The following RPS6KA2 variants were observed in gnomAD, a reference collection of about 807,000 sequenced individuals.
RPS6KA2 encodes the protein ribosomal protein S6 kinase A2.
RPS6KA2 carries 42 observed loss-of-function variants against 91.8 expected under a neutral mutation model. The ratio of observed to expected loss-of-function variants is 0.46; its 90% CI spans 0.36 to 0.59. The LOEUF is 0.59. Ranked by LOEUF, RPS6KA2 falls within the 20% of genes least tolerant of loss-of-function variation. RPS6KA2 has a pLI of 0.00. For missense variants in RPS6KA2, 798 were observed against 978.5 expected, an observed-to-expected ratio of 0.82 and a Z score of 2.46; for synonymous variants, 414 against 393.6, an observed-to-expected ratio of 1.05 and a Z score of -0.61.
intron 2 of RPS6KA2, among the ~76,000 whole-genome samples, chr6:166,739,412 A>G (rs1303914122): frequency 6.6e-6 from 1 of 152,178 alleles, no homozygotes; most frequent in Non-Finnish European, 1.5e-5. Flanking sequence ...GCACAACCCT[A>G]GACATTGTGG....
chr6:166,447,740 T>A (rs576653919), intron 14 of RPS6KA2, among the ~76,000 whole-genome samples: 1 of 152,328 alleles, frequency 6.6e-6, no homozygotes, highest in African/African-American at 2.4e-5. Flanking sequence ...ATTACTCTTT[T>A]TACACGACTT....
chr6:166,486,289 A>AAC (rs1028428513), intron 10 of RPS6KA2, among the ~76,000 whole-genome samples: 1 of 149,056 alleles, frequency 6.7e-6, no homozygotes, highest in Admixed American at 6.8e-5. Flanking sequence ...CACACGCATG[A>AAC]ACACACACAC....
At chr6:166,498,404 G>A (rs1222345974) in intron 8 of RPS6KA2, 104 bp downstream of exon 8, 5 of 1,318,470 alleles carry the variant, frequency 3.8e-6, no homozygotes, top group Non-Finnish European at 5.0e-6. Flanking sequence ...AAGCCCTCAG[G>A]CACTGCCTTC....
intron 1 of RPS6KA2, among the ~76,000 whole-genome samples, chr6:166,602,000 T>C (rs560597588): frequency 7.9e-5 from 12 of 152,314 alleles, no homozygotes; most frequent in Admixed American, 7.2e-4. Flanking sequence ...ATACAGAATA[T>C]GTAAAGAACT....
chr6:166,513,839 T>C (rs1425634858), intron 3 of RPS6KA2, among the ~76,000 whole-genome samples: 1 of 152,262 alleles, frequency 6.6e-6, no homozygotes, highest in African/African-American at 2.4e-5. Context: ...TACCCCTGGC[T>C]ATGATTTTCT....
intron 17 of RPS6KA2, among the ~76,000 whole-genome samples, chr6:166,422,154 C>T (rs1778744262): frequency 6.6e-6 from 1 of 152,196 alleles, no homozygotes; most frequent in Non-Finnish European, 1.5e-5. Context: ...CCTGCCTCGG[C>T]CTCCCAAAGT....
At chr6:166,539,960 A>G (rs1316697708) in intron 1 of RPS6KA2, among the ~76,000 whole-genome samples, 1 of 152,228 alleles carries the variant, frequency 6.6e-6, no homozygotes, top group Non-Finnish European at 1.5e-5. Flanking sequence ...TAAAATGCGC[A>G]TCCAAAAACA....
intron 2 of RPS6KA2, among the ~76,000 whole-genome samples, chr6:166,532,725 A>G (rs777813413): frequency 1.1e-4 from 17 of 152,222 alleles, no homozygotes; most frequent in Non-Finnish European, 1.0e-4. Flanking sequence ...TTAGGTCCCA[A>G]GAAGTCACAG....
chr6:166,444,183 T>C (rs1356094426), intron 14 of RPS6KA2, among the ~76,000 whole-genome samples: 1 of 152,222 alleles, frequency 6.6e-6, no homozygotes. Flanking sequence ...TTTGATGGAA[T>C]AGGAATATTA....
intron 2 of RPS6KA2, among the ~76,000 whole-genome samples, chr6:166,722,043 A>G (rs1310628868): frequency 6.6e-6 from 1 of 152,258 alleles, no homozygotes; most frequent in East Asian, 1.9e-4. Flanking sequence ...TAAATACAGT[A>G]GGAAAATATA....
chr6:166,688,504 G>A (rs1262713949), intron 2 of RPS6KA2, among the ~76,000 whole-genome samples: 2 of 152,222 alleles, frequency 1.3e-5, no homozygotes, highest in South Asian at 4.1e-4. Context: ...GCAGGGCCAC[G>A]TGTGCCCCCT....
At position 166,494,717 on chromosome 6, in the gene RPS6KA2, A is replaced by G. The variant is rs1781721232; in HGVS notation, c.747+3791T>C. Among the ~76,000 whole-genome samples, 4 of 152,208 alleles carry G rather than the reference A, an allele frequency of 2.6e-5. No homozygotes were observed. The South Asian group carries it at 8.3e-4, about 32-fold the overall frequency. ...GGGACACTGACTTCCTGCCCCTGGC[A>G]CAGGCATCCTTCCTTCCAGGTCTGG... On this transcript the variant is annotated intron_variant, in intron 8 of 20. Transcript: ENST00000265678. This position sits in a 1 kb window ranked among gnomAD's most constrained non-coding sequence, Gnocchi z 5.1.
At chr6:166,861,750 A>G (rs1781051608) in intron 1 of RPS6KA2, among the ~76,000 whole-genome samples, 1 of 152,234 alleles carries the variant, frequency 6.6e-6, no homozygotes, top group African/African-American at 2.4e-5. Context: ...ATTTAAAGCC[A>G]CTTGTTGAAG....
chr6:166,862,489 T>A, exon 1 of RPS6KA2: 1 of 741,740 alleles, frequency 1.3e-6, no homozygotes, highest in Non-Finnish European at 1.9e-6. Flanking sequence ...GGGACGGCGC[T>A]GCGGCTTCGG....
intron 2 of RPS6KA2, among the ~76,000 whole-genome samples, chr6:166,762,797 C>G (rs1778212824): frequency 1.3e-5 from 2 of 152,324 alleles, no homozygotes; most frequent in South Asian, 4.1e-4. Context: ...AGCCATGACC[C>G]TGAGCCTTGC....
rs1778609621 is a variant in RPS6KA2 at position 166,418,330 on chromosome 6, A to T, written c.1833T>A (p.Phe611Leu). ...LYTMLAGFTP[F>L]ANGPDDTPEE... is the part of the protein sequence containing the mutation. ...CAGGGGTATCGTCTGGCCCATTTGC[A>T]AAAGGGGTAAATCTGTATAATTAGA... The change falls in exon 19 of 21, where the codon TTT (phenylalanine) becomes TTA (leucine). Residue 611 changes from phenylalanine (F) to leucine (L), a missense_variant. Transcript: ENST00000265678. The surrounding 1 kb of genome is among the most constrained non-coding windows in gnomAD (Gnocchi z 4.9). 11 of 1,612,248 alleles carry T rather than the reference A, an allele frequency of 6.8e-6. No homozygotes were observed. Among genetic ancestry groups the T allele is most frequent in the Non-Finnish European group, 9.3e-6 (11 of 1,179,072 alleles).
intron 2 of RPS6KA2, among the ~76,000 whole-genome samples, chr6:166,659,817 G>T (rs775354844): frequency 3.3e-5 from 5 of 152,230 alleles, no homozygotes; most frequent in Non-Finnish European, 7.3e-5. Flanking sequence ...AGCGAACCTC[G>T]GGAGCCCACT....
chr6:166,696,628 G>T (rs915675025), intron 2 of RPS6KA2, among the ~76,000 whole-genome samples: 29 of 152,320 alleles, frequency 1.9e-4, no homozygotes, highest in African/African-American at 6.7e-4. Flanking sequence ...ACTGGTCAGG[G>T]TTATTATGAA....
chr6:166,478,829 A>G (rs1448800309), intron 10 of RPS6KA2, among the ~76,000 whole-genome samples: 2 of 152,144 alleles, frequency 1.3e-5, no homozygotes, highest in Non-Finnish European at 2.9e-5. Flanking sequence ...CTTCCCACCC[A>G]TCAGGCACTG....
Sources: allele counts gnomAD v4.1 joint callset (sites outside exome capture counted in the v4.1 genomes callset), GRCh38; gene constraint gnomAD v4.1.1; non-coding constraint Gnocchi (gnomAD v3.1); transcripts MANE v1.5; gene names NCBI Gene and HGNC (gene_info 2026-07-23, HGNC 2026-07-21).